The following G2E3 variants were observed in gnomAD, a reference collection of about 807,000 sequenced individuals.
G2E3 encodes G2/M phase-specific E3 ubiquitin-protein ligase.
A neutral mutation model predicts 92.8 loss-of-function variants in G2E3; 35 were observed. That is an observed-to-expected ratio of 0.38 (90% confidence interval 0.29 to 0.50). The LOEUF (loss-of-function observed/expected upper bound fraction) is 0.50. Ranked by LOEUF, G2E3 falls within the 20% of genes least tolerant of loss-of-function variation. G2E3 has a pLI of 0.94. For missense variants in G2E3, 554 were observed against 823.8 expected (o/e 0.67, Z 4.01); for synonymous variants, 242 against 272.4 (o/e 0.89, Z 1.10).
At position 30,601,780 on chromosome 14, in the gene G2E3, A is replaced by G. The variant is rs778498074; in HGVS notation, c.763A>G (p.Ile255Val). ...DYNAPDSKWE[I>V]KRCQCCGSSG... ...TCTTTGTGTCCTCAGCAAATGGGAAATAAAGCGCTGTCAGTGTTGTGGTTC... is the reference window on the plus strand; with the variant it reads ...TCTTTGTGTCCTCAGCAAATGGGAAGTAAAGCGCTGTCAGTGTTGTGGTTC... The change falls in exon 9 of 15, where the codon ATA (isoleucine) becomes GTA (valine). Residue 255 changes from isoleucine to valine, a missense_variant. Ile to Val is a conservative substitution (Grantham distance 29). Coordinates refer to ENST00000206595, the MANE Select transcript of G2E3 (RefSeq NM_017769.5). 5.0e-6 allele frequency: 8 copies of G among 1,614,018 alleles called. No individual in the cohort carries two copies. Among genetic ancestry groups the G allele is most frequent in the Non-Finnish European group, 6.8e-6 (8 of 1,179,984 alleles).
intron 12 of G2E3, chr14:30,611,750 G>A (rs1277353338): frequency 1.2e-4 from 19 of 152,054 alleles, no homozygotes; most frequent in Admixed American, 1.2e-3. Flanking sequence ...TCCAACTCCT[G>A]GGCTCAAAAT....
chr14:30,580,307 A>G (rs1880359884), intron 1 of G2E3, among the ~76,000 whole-genome samples: 1 of 152,166 alleles, frequency 6.6e-6, no homozygotes, highest in Non-Finnish European at 1.5e-5. Context: ...CCCGAGTTCA[A>G]GCAATTCTCT....
chr14:30,569,084 A>G (rs998088769), intron 1 of G2E3, among the ~76,000 whole-genome samples: 1 of 152,168 alleles, frequency 6.6e-6, no homozygotes, highest in East Asian at 1.9e-4. Context: ...TTATTGAGGT[A>G]TAATATATAT....
At chr14:30,579,853 A>G (rs1292768875) in intron 1 of G2E3, among the ~76,000 whole-genome samples, 2 of 152,172 alleles carry the variant, frequency 1.3e-5, no homozygotes, top group African/African-American at 4.8e-5. Context: ...TTTCCACTTA[A>G]ATACCAAGAG....
At chr14:30,610,397 C>T (rs538560228) in intron 12 of G2E3, among the ~76,000 whole-genome samples, 1 of 152,068 alleles carries the variant, frequency 6.6e-6, no homozygotes, top group Admixed American at 6.6e-5. Context: ...GGTGGATCAC[C>T]GGGGTCAGCA....
intron 6 of G2E3, among the ~76,000 whole-genome samples, chr14:30,594,912 T>A (rs1227001281): frequency 6.6e-6 from 1 of 150,830 alleles, no homozygotes; most frequent in Non-Finnish European, 1.5e-5. Flanking sequence ...GCGGATCACC[T>A]GAGGTCAGGA....
intron 12 of G2E3, among the ~76,000 whole-genome samples, chr14:30,610,025 C>T (rs1882013765): frequency 6.6e-6 from 1 of 152,148 alleles, no homozygotes; most frequent in African/African-American, 2.4e-5. Context: ...TGCTTTCTTC[C>T]TCAGGAATCC....
intron 2 of G2E3, among the ~76,000 whole-genome samples, chr14:30,584,816 T>C (rs1880615484): frequency 6.7e-6 from 1 of 148,748 alleles, no homozygotes; most frequent in Non-Finnish European, 1.5e-5. Context: ...TTCACTCTCT[T>C]GATAGTGTCC....
intron 1 of G2E3, among the ~76,000 whole-genome samples, chr14:30,565,865 T>C (rs1376146659): frequency 1.3e-5 from 2 of 151,970 alleles, no homozygotes; most frequent in Non-Finnish European, 2.9e-5. Context: ...GGTTTCACCA[T>C]GTTATCCAGG....
chr14:30,616,694 C>A lies in G2E3; in HGVS notation c.*160C>A. 1 of 546,732 alleles carries A rather than the reference C, an allele frequency of 1.8e-6. No individual in the cohort carries two copies. Among genetic ancestry groups the A allele is most frequent in the Non-Finnish European group, 3.1e-6 (1 of 324,976 alleles). 33.9% of individuals were successfully genotyped at this position (546,732 alleles called of 1,614,324 possible). ...TAAAGGAATATTATAGCCACTTAGG[C>A]TAAAAAAAGGTTTTTTTTGTTAAAG... On this transcript the variant is annotated 3_prime_UTR_variant, in exon 15 of 15. Coordinates refer to ENST00000206595, the MANE Select transcript of G2E3 (RefSeq NM_017769.5).
At chr14:30,594,292 G>A (rs1461745297) in intron 6 of G2E3, among the ~76,000 whole-genome samples, 1 of 152,158 alleles carries the variant, frequency 6.6e-6, no homozygotes, top group Non-Finnish European at 1.5e-5. Flanking sequence ...ATGTGAAAGT[G>A]CCAGCTGATG....
At chr14:30,602,738 A>C (rs1293114366) in intron 10 of G2E3, 1 of 152,210 alleles carries the variant, frequency 6.6e-6, no homozygotes, top group Non-Finnish European at 1.5e-5. Flanking sequence ...GAGCCTACCA[A>C]GTGGCTGGAA....
chr14:30,580,332 G>A (rs935186016), intron 1 of G2E3, among the ~76,000 whole-genome samples: 6 of 151,906 alleles, frequency 3.9e-5, no homozygotes, highest in African/African-American at 9.7e-5. Context: ...TCAGCCTCCC[G>A]AGTAGCTGGG....
chr14:30,567,900 G>T (rs1192154060), intron 1 of G2E3, among the ~76,000 whole-genome samples: 1 of 152,032 alleles, frequency 6.6e-6, no homozygotes, highest in Admixed American at 6.6e-5. Context: ...CATTGGAGAG[G>T]ATATTTTGTG....
At chr14:30,574,143 C>T (rs1879935704) in intron 1 of G2E3, among the ~76,000 whole-genome samples, 2 of 152,124 alleles carry the variant, frequency 1.3e-5, no homozygotes, top group African/African-American at 4.8e-5. Context: ...CATGTAACTT[C>T]CCTTTTCTGA....
At chr14:30,595,247 A>G (rs229257) in intron 6 of G2E3, among the ~76,000 whole-genome samples, 1,728 of 152,342 alleles carry the variant, frequency 0.011, 32 homozygotes, top group African/African-American at 0.039. Flanking sequence ...GTTAATAAAC[A>G]ACATTGTGAA....
intron 1 of G2E3, among the ~76,000 whole-genome samples, chr14:30,575,810 A>G (rs942102458): frequency 6.6e-6 from 1 of 152,224 alleles, no homozygotes; most frequent in Non-Finnish European, 1.5e-5. Flanking sequence ...ACAGCTAACA[A>G]GGGAGGTGAA....
At chr14:30,590,774 G>A (rs1880964115) in intron 4 of G2E3, 1 of 455,280 alleles carries the variant, frequency 2.2e-6, no homozygotes, top group Non-Finnish European at 4.4e-6. Flanking sequence ...TGAGATATTA[G>A]TATCATAATT....
At chr14:30,602,375 A>T (rs1307263586) in intron 10 of G2E3, among the ~76,000 whole-genome samples, 1 of 54,070 alleles carries the variant, frequency 1.8e-5, no homozygotes, top group Non-Finnish European at 2.9e-5. Flanking sequence ...TATCTATCCT[A>T]CTGCATCATA....
Sources: allele counts gnomAD v4.1 joint callset (sites outside exome capture counted in the v4.1 genomes callset), GRCh38; gene constraint gnomAD v4.1.1; transcripts MANE v1.5; gene names NCBI Gene and HGNC (gene_info 2026-07-23, HGNC 2026-07-21).